The following RORA variants were observed in gnomAD, a reference collection of about 807,000 sequenced individuals.
The protein encoded by RORA is nuclear receptor ROR-alpha.
Under a neutral mutation model 69.5 loss-of-function variants are expected in RORA, and 7 were observed. That is an observed-to-expected ratio of 0.10 (90% CI 0.06 to 0.19). The LOEUF (loss-of-function observed/expected upper bound fraction) is 0.19. Among genes scored for constraint, RORA ranks in the 10% least tolerant of loss-of-function variants. The probability of loss-of-function intolerance (pLI) is 1.00; values close to 1 mark genes in which losing one functional copy is unlikely to be tolerated. For synonymous variants in RORA, 261 were observed against 240.8 expected, an observed-to-expected ratio of 1.08 and a Z score of -0.78; for missense variants, 457 against 663.0, an observed-to-expected ratio of 0.69 and a Z score of 3.41.
rs766830940 is a variant in RORA at position 61,207,127 on chromosome 15, T to TAC, written c.166+21924_166+21925dup. 7.7e-4 allele frequency among the ~76,000 whole-genome samples: 117 copies of TAC among 152,002 alleles called. 1 individual carries two copies. The highest frequency in any genetic ancestry group is 2.2e-3 in the African/African-American group (90 of 41,472). ...ATATAGACACATATGTATACATATA[T>TAC]ACACACACACACATGCATATATACA... On this transcript the variant is annotated intron_variant, in intron 1 of 10. Coordinates refer to ENST00000335670, the MANE Select transcript of RORA (RefSeq NM_134261.3).
chr15:60,970,114 C>T (rs767186764), intron 1 of RORA, among the ~76,000 whole-genome samples: 1 of 152,154 alleles, frequency 6.6e-6, no homozygotes, highest in Non-Finnish European at 1.5e-5. Context: ...CAGAATGAAA[C>T]CTACCTTGCT....
intron 1 of RORA, among the ~76,000 whole-genome samples, chr15:60,766,141 T>A (rs1332216106): frequency 6.6e-6 from 1 of 152,126 alleles, no homozygotes; most frequent in Non-Finnish European, 1.5e-5. Context: ...TTTGGCACTT[T>A]TCACTGGACT....
At chr15:60,945,791 C>T (rs2140327909) in intron 1 of RORA, among the ~76,000 whole-genome samples, 1 of 152,338 alleles carries the variant, frequency 6.6e-6, no homozygotes, top group African/African-American at 2.4e-5. Context: ...ATCGAGAGGT[C>T]ACTTCTGTTT....
intron 1 of RORA, among the ~76,000 whole-genome samples, chr15:61,189,582 G>A (rs1198805749): frequency 6.6e-6 from 1 of 152,176 alleles, no homozygotes; most frequent in East Asian, 1.9e-4. Context: ...ATCTGGCCAG[G>A]TGTGGTGGCT....
chr15:61,208,183 A>C (rs1460614079), intron 1 of RORA, among the ~76,000 whole-genome samples: 1 of 152,244 alleles, frequency 6.6e-6, no homozygotes, highest in Non-Finnish European at 1.5e-5. Flanking sequence ...GAATAAACAA[A>C]ATGTGATACA....
In RORA at chr15:60,663,294, C is replaced by T. The variant is rs777454312; in HGVS notation, c.196+15363G>A. ...TACTTTAGTGGAGTGATTAGCTGGG[C>T]GTAATGATGAATTTTAGATCAGAAT... On this transcript the variant is annotated intron_variant, in intron 2 of 10. Transcript: ENST00000335670. Among the ~76,000 whole-genome samples, 4 of 152,100 alleles carry T rather than the reference C, an allele frequency of 2.6e-5. 1 individual carries two copies. The highest frequency in any genetic ancestry group is 3.9e-4 in the East Asian group (2 of 5,190).
intron 1 of RORA, among the ~76,000 whole-genome samples, chr15:60,739,612 C>T (rs1324233780): frequency 6.6e-6 from 1 of 152,032 alleles, no homozygotes; most frequent in Non-Finnish European, 1.5e-5. Context: ...CTTCACCACA[C>T]TTCCAGGAAG....
At chr15:61,018,980 G>C (rs139781326) in intron 1 of RORA, among the ~76,000 whole-genome samples, 180 of 152,268 alleles carry the variant, frequency 1.2e-3, no homozygotes, top group African/African-American at 3.7e-3. Flanking sequence ...AGCAAACAGA[G>C]CTTATCCAGC....
intron 1 of RORA, among the ~76,000 whole-genome samples, chr15:60,726,473 G>T (rs1210188485): frequency 6.6e-6 from 1 of 152,224 alleles, no homozygotes; most frequent in East Asian, 1.9e-4. Context: ...GGCACAAACA[G>T]AATTGGGACA....
At chr15:61,093,894 A>G (rs1271415036) in intron 1 of RORA, among the ~76,000 whole-genome samples, 1 of 152,214 alleles carries the variant, frequency 6.6e-6, no homozygotes, top group East Asian at 1.9e-4. Flanking sequence ...AAAGGAAACA[A>G]TGTCTGCCAT....
chr15:60,720,413 A>G (rs1467845427), intron 1 of RORA, among the ~76,000 whole-genome samples: 1 of 152,234 alleles, frequency 6.6e-6, no homozygotes, highest in African/African-American at 2.4e-5. Flanking sequence ...TAACCATTGA[A>G]AAACCCAGAC....
chr15:60,624,881 A>C (rs1462146406), intron 2 of RORA, among the ~76,000 whole-genome samples: 1 of 152,096 alleles, frequency 6.6e-6, no homozygotes, highest in Non-Finnish European at 1.5e-5. Context: ...TAGCAACCCC[A>C]GTATCATTCC....
chr15:60,879,045 T>C (rs1424375375), intron 1 of RORA, among the ~76,000 whole-genome samples: 1 of 152,214 alleles, frequency 6.6e-6, no homozygotes, highest in African/African-American at 2.4e-5. Context: ...TCATGATTTC[T>C]AAAATCTGGC....
chr15:60,511,126 T>C lies in RORA; in HGVS notation c.820+100A>G. 7.7e-7 allele frequency: 1 copy of C among 1,303,946 alleles called. No homozygotes were observed. Among genetic ancestry groups the C allele is most frequent in the Non-Finnish European group, 1.1e-6 (1 of 946,524 alleles). 80.8% of individuals were successfully genotyped at this position (1,303,946 alleles called of 1,614,324 possible). A position where few individuals can be genotyped will look rare whatever the true frequency, so the allele number is the denominator to read the frequency against. On this transcript the variant is annotated intron_variant, in intron 5 of 10. Coordinates refer to ENST00000335670, the MANE Select transcript of RORA (RefSeq NM_134261.3). This position sits in a 1 kb window ranked among gnomAD's most constrained non-coding sequence, Gnocchi z 6.4. ...AGTGGCCCAAATGGTAAAGGTGAATTGCATCATTTAGCAGAACTCATTAGA... is the reference window on the plus strand; with the variant it reads ...AGTGGCCCAAATGGTAAAGGTGAATCGCATCATTTAGCAGAACTCATTAGA...
At chr15:60,619,350 C>T (rs1290975441) in intron 2 of RORA, among the ~76,000 whole-genome samples, 4 of 152,186 alleles carry the variant, frequency 2.6e-5, no homozygotes, top group East Asian at 1.9e-4. Context: ...TCAGCAGCCA[C>T]CTCAGCTGCA....
chr15:61,089,786 T>C (rs561325577), intron 1 of RORA, among the ~76,000 whole-genome samples: 6 of 152,120 alleles, frequency 3.9e-5, no homozygotes, highest in Non-Finnish European at 8.8e-5. Flanking sequence ...TTTCCTGAGT[T>C]CCTCTGTAGC....
Position 60,514,688 on chromosome 15 carries a change from C to T in RORA, c.352G>A (p.Asp118Asn). The change falls in exon 4 of 11, where the codon GAT becomes AAT. Residue 118 changes from aspartate to asparagine, a missense_variant. Asp to Asn is a conservative substitution (Grantham distance 23). This residue lies in a region of RORA where 34 missense variants were observed against 123.2 expected (regional missense o/e 0.28). Transcript: ENST00000335670. Reference sequence around the variant, plus strand: ...TGGCAGCGGTTTCTACTGGTTCGATCAATCAAACAGTTCTTCTGACGAGGA... The same window carrying T: ...TGGCAGCGGTTTCTACTGGTTCGATTAATCAAACAGTTCTTCTGACGAGGA... ...SCPRQKNCLI[D>N]RTSRNRCQHC... The T allele has an allele frequency of 1.9e-6, 3 of 1,613,868 alleles. No individual in the cohort carries two copies. The highest frequency in any genetic ancestry group is 2.5e-6 in the Non-Finnish European group (3 of 1,179,784).
At chr15:60,962,361 T>C (rs1595848222) in intron 1 of RORA, among the ~76,000 whole-genome samples, 1 of 152,300 alleles carries the variant, frequency 6.6e-6, no homozygotes, top group East Asian at 1.9e-4. Flanking sequence ...TGCAGATGGA[T>C]GGAAATATTT....
At chr15:60,621,758 A>AG (rs2069414028) in intron 2 of RORA, among the ~76,000 whole-genome samples, 1 of 152,074 alleles carries the variant, frequency 6.6e-6, no homozygotes, top group Admixed American at 6.6e-5. Context: ...AAAAGAGTAA[A>AG]GGGTGGGGGC....
Sources: gnomAD v4.1 joint callset for allele counts (sites outside exome capture counted in the v4.1 genomes callset) on GRCh38, gnomAD v4.1.1 for gene constraint, gnomAD v4.1.1 regional missense constraint, Gnocchi (gnomAD v3.1) non-coding constraint, MANE v1.5 for transcripts, NCBI Gene and HGNC (gene_info 2026-07-23, HGNC 2026-07-21) for gene names.